The following DNAAF9 variants were observed in gnomAD, a reference collection of about 807,000 sequenced individuals.
DNAAF9 encodes the protein shulin.
Under a neutral mutation model 167.0 loss-of-function variants are expected in DNAAF9, and 90 were observed. That is an observed-to-expected ratio of 0.54 (90% CI 0.45 to 0.64). The LOEUF is 0.64. Ranked by LOEUF, DNAAF9 falls within the 30% of genes least tolerant of loss-of-function variation. DNAAF9 has a pLI of 0.00. For synonymous variants in DNAAF9, 491 were observed against 508.8 expected, an observed-to-expected ratio of 0.96 and a Z score of 0.47; for missense variants, 1,315 against 1,442.2, an observed-to-expected ratio of 0.91 and a Z score of 1.43.
At chr20:3,332,635 T>G (rs2069852713) in intron 10 of DNAAF9, among the ~76,000 whole-genome samples, 1 of 151,514 alleles carries the variant, frequency 6.6e-6, no homozygotes, top group Non-Finnish European at 1.5e-5. Context: ...TTTTTTTTTT[T>G]GTATTTTTAG....
At chr20:3,303,717 G>C (rs2069235498) in intron 21 of DNAAF9, among the ~76,000 whole-genome samples, 1 of 152,226 alleles carries the variant, frequency 6.6e-6, no homozygotes, top group South Asian at 2.1e-4. Context: ...AGACAGACTG[G>C]TTTTGAGGCT....
chr20:3,301,901 T>C (rs1022650374), intron 21 of DNAAF9, among the ~76,000 whole-genome samples: 4 of 152,038 alleles, frequency 2.6e-5, no homozygotes, highest in African/African-American at 9.7e-5. Flanking sequence ...TTTTCCCAAT[T>C]TTAAAAATTT....
At chr20:3,369,860 T>C (rs184267401) in intron 6 of DNAAF9, among the ~76,000 whole-genome samples, 166 of 152,326 alleles carry the variant, frequency 1.1e-3, no homozygotes, top group African/African-American at 3.6e-3. Flanking sequence ...CAACATTCAC[T>C]TGTCCTATGG....
At chr20:3,339,775 A>C (rs573468485) in intron 10 of DNAAF9, among the ~76,000 whole-genome samples, 1 of 152,326 alleles carries the variant, frequency 6.6e-6, no homozygotes, top group East Asian at 1.9e-4. Flanking sequence ...CTGTGGTCCC[A>C]ACTATTCAGG....
In DNAAF9 at chr20:3,253,749, C is replaced by A; in HGVS notation, c.3398G>T (p.Gly1133Val). ...YNGTQFVNFF[G>V]DKTDFHPLMD... ...ACGTGGGTGAAAATCAGTTTTGTCA[C>A]CAAAGAAGTTAACAAATTGGGTGCC... Residue 1133 changes from glycine to valine, a missense_variant, in exon 36 of 37, where the codon GGT (glycine) becomes GTT (valine). Around this residue, in one of 2 missense-constraint regions of DNAAF9, gnomAD observed 334 missense variants for 429.7 expected, o/e 0.78. Transcript: ENST00000252032. 6.2e-7 allele frequency: 1 copy of A among 1,611,710 alleles called. No homozygotes were observed. The highest frequency in any genetic ancestry group is 8.5e-7 in the Non-Finnish European group (1 of 1,177,878).
chr20:3,368,043 G>A (rs773551536), intron 6 of DNAAF9, among the ~76,000 whole-genome samples: 4 of 152,178 alleles, frequency 2.6e-5, no homozygotes, highest in South Asian at 2.1e-4. Context: ...ACACACATCA[G>A]GCACTATCCT....
chr20:3,344,073 T>A (rs74993902), intron 8 of DNAAF9, among the ~76,000 whole-genome samples: 5,409 of 152,302 alleles, frequency 0.036, 120 homozygotes, highest in African/African-American at 0.063. Flanking sequence ...CAGTGTTTAC[T>A]GCAAGAAAAT....
rs767073816 is a variant in DNAAF9, at chr20:3,315,022, T to C, written c.1678+11A>G. The C allele has an allele frequency of 3.2e-6, 5 of 1,550,814 alleles. No individual in the cohort carries two copies. Among genetic ancestry groups the C allele is most frequent in the Admixed American group, 3.3e-5 (2 of 59,708 alleles). On this transcript the variant is annotated intron_variant, in intron 20 of 36. Coordinates refer to ENST00000252032, the MANE Select transcript of DNAAF9 (RefSeq NM_001009984.3). This position sits in a 1 kb window ranked among gnomAD's most constrained non-coding sequence, Gnocchi z 4.1. ...GACATGGCCAAAAACATTAAAGTCATAGCTCCTTACCTTCCTCAGGCCAGG... is the reference window on the plus strand; with the variant it reads ...GACATGGCCAAAAACATTAAAGTCACAGCTCCTTACCTTCCTCAGGCCAGG...
chr20:3,317,832 A>G (rs1206749437), intron 17 of DNAAF9, among the ~76,000 whole-genome samples: 1 of 152,124 alleles, frequency 6.6e-6, no homozygotes, highest in Non-Finnish European at 1.5e-5. Flanking sequence ...CCTGACCTCA[A>G]GTGATTCGCC....
At chr20:3,386,398 T>C (rs778027795) in intron 1 of DNAAF9, among the ~76,000 whole-genome samples, 37 of 152,172 alleles carry the variant, frequency 2.4e-4, no homozygotes, top group Admixed American at 4.6e-4. Flanking sequence ...GTCTTTTCAA[T>C]AAGTAGGGCT....
chr20:3,310,333 A>AAAAGAAAG (rs376196616), intron 20 of DNAAF9, among the ~76,000 whole-genome samples: 23,379 of 105,854 alleles, frequency 0.22, 3,085 homozygotes, highest in South Asian at 0.28. Context: ...AAGAGAAAGA[A>AAAAGAAAG]AAAGAAAGAA....
intron 1 of DNAAF9, among the ~76,000 whole-genome samples, chr20:3,402,740 G>C (rs978986248): frequency 6.6e-6 from 1 of 152,034 alleles, no homozygotes; most frequent in Non-Finnish European, 1.5e-5. Flanking sequence ...ACCACGCCTG[G>C]CTAATTTTTC....
intron 3 of DNAAF9, among the ~76,000 whole-genome samples, chr20:3,377,629 T>A (rs1424569676): frequency 6.6e-6 from 1 of 151,984 alleles, no homozygotes; most frequent in Non-Finnish European, 1.5e-5. Context: ...GGCTAATTTT[T>A]ATTTTTTTTT....
chr20:3,354,841 C>T (rs555142470), intron 7 of DNAAF9, among the ~76,000 whole-genome samples: 59 of 152,304 alleles, frequency 3.9e-4, no homozygotes, highest in African/African-American at 1.4e-3. Context: ...CTTCTCCTTC[C>T]CATCACCTAA....
At chr20:3,400,993 T>G (rs747720337) in intron 1 of DNAAF9, among the ~76,000 whole-genome samples, 3 of 152,204 alleles carry the variant, frequency 2.0e-5, no homozygotes, top group Non-Finnish European at 4.4e-5. Flanking sequence ...CTTCACATTT[T>G]CAGGTATTCC....
chr20:3,376,216 A>G lies in DNAAF9; in HGVS notation c.370T>C (p.Trp124Arg), dbSNP rs769380910. The G allele has an allele frequency of 6.2e-7, 1 of 1,613,936 alleles. No homozygotes were observed. The highest frequency in any genetic ancestry group is 8.5e-7 in the Non-Finnish European group (1 of 1,179,890). The change falls in exon 4 of 37, where the codon TGG becomes CGG. Residue 124 changes from tryptophan to arginine, a missense_variant. Trp to Arg is a moderately radical substitution (Grantham distance 101, BLOSUM62 -3). Coordinates refer to ENST00000252032, the MANE Select transcript of DNAAF9 (RefSeq NM_001009984.3). Reference protein sequence around the residue: ...FRYLLPYVAHWRNLHFHCMTE... With the variant: ...FRYLLPYVAHRRNLHFHCMTE... ...ATGCAGTGGAAATGCAGATTTCTCC[A>G]ATGTGCCACATAAGGTAAGAGATAG... is the stretch of plus-strand genomic sequence containing the variant.
At chr20:3,329,200 C>G (rs1382332353) in intron 12 of DNAAF9, among the ~76,000 whole-genome samples, 1 of 144,420 alleles carries the variant, frequency 6.9e-6, no homozygotes, top group African/African-American at 2.7e-5. Context: ...CAGGAACTCA[C>G]TCTGTCACCC....
chr20:3,268,799 C>T (rs1439548195), intron 30 of DNAAF9, among the ~76,000 whole-genome samples: 1 of 151,308 alleles, frequency 6.6e-6, no homozygotes, highest in African/African-American at 2.4e-5. Flanking sequence ...GTTTTCTCCT[C>T]GTATATGTGT....
chr20:3,362,083 A>T, intron 6 of DNAAF9: 1 of 1,407,288 alleles, frequency 7.1e-7, no homozygotes, highest in Non-Finnish European at 1.0e-6. Flanking sequence ...AAATATTACA[A>T]AGGGGGGTGC....
Sources: gnomAD v4.1 joint callset for allele counts (sites outside exome capture counted in the v4.1 genomes callset) on GRCh38, gnomAD v4.1.1 for gene constraint, gnomAD v4.1.1 regional missense constraint, Gnocchi (gnomAD v3.1) non-coding constraint, MANE v1.5 for transcripts, NCBI Gene and HGNC (gene_info 2026-07-23, HGNC 2026-07-21) for gene names.